The following KCNH1 variants were observed in gnomAD, a reference collection of about 807,000 sequenced individuals.
The protein encoded by KCNH1 is voltage-gated delayed rectifier potassium channel KCNH1.
In KCNH1, 27 loss-of-function variants were observed where a neutral mutation model predicts 69.2. That is an observed-to-expected ratio of 0.39 (90% CI 0.29 to 0.54). The LOEUF is 0.54. Among genes scored for constraint, KCNH1 ranks in the 20% least tolerant of loss-of-function variants. KCNH1 has a pLI of 0.68. For synonymous variants in KCNH1, 456 were observed against 487.7 expected, an observed-to-expected ratio of 0.93 and a Z score of 0.86; for missense variants, 798 against 1,261.6, an observed-to-expected ratio of 0.63 and a Z score of 5.57.
intron 9 of KCNH1, among the ~76,000 whole-genome samples, chr1:210,784,490 G>C (rs1447233040): frequency 1.3e-5 from 2 of 152,182 alleles, no homozygotes; most frequent in Non-Finnish European, 2.9e-5. Flanking sequence ...GGTCTTATCT[G>C]ATTGTGTTGG....
chr1:210,977,019 T>C lies in KCNH1; in HGVS notation c.1032+41764A>G, dbSNP rs565471031. ...GACACATGCACATGTATGTTTATTG[T>C]GGCACTATTCACAATAGCAAAGACT... On this transcript the variant is annotated intron_variant, in intron 6 of 10. Transcript: ENST00000271751. 1.1e-3 allele frequency among the ~76,000 whole-genome samples: 172 copies of C among 150,248 alleles called. 1 individual carries two copies. Among genetic ancestry groups the C allele is most frequent in the African/African-American group, 3.2e-3 (131 of 40,784 alleles).
chr1:210,985,808 C>G (rs1020577496), intron 6 of KCNH1, among the ~76,000 whole-genome samples: 4 of 152,028 alleles, frequency 2.6e-5, no homozygotes, highest in African/African-American at 4.8e-5. Flanking sequence ...TATGCTTGGT[C>G]CAGAGCTGAG....
At chr1:211,095,560 T>G (rs574059606) in intron 3 of KCNH1, among the ~76,000 whole-genome samples, 1 of 152,342 alleles carries the variant, frequency 6.6e-6, no homozygotes, top group South Asian at 2.1e-4. Flanking sequence ...AAGGCTCAGA[T>G]GTACGAGAGA....
chr1:210,799,923 G>A (rs1033032513), intron 8 of KCNH1, among the ~76,000 whole-genome samples: 1 of 152,216 alleles, frequency 6.6e-6, no homozygotes, highest in East Asian at 1.9e-4. Flanking sequence ...GTGGAAAGGG[G>A]TCAAAGAGTT....
intron 1 of KCNH1, among the ~76,000 whole-genome samples, chr1:211,115,596 A>G (rs537512194): frequency 2.6e-5 from 4 of 151,462 alleles, no homozygotes; most frequent in East Asian, 3.9e-4. Context: ...TCGGTCTCCA[A>G]GTTCTTCAGT....
At chr1:211,115,804 G>A (rs1204686595) in intron 1 of KCNH1, among the ~76,000 whole-genome samples, 1 of 150,484 alleles carries the variant, frequency 6.6e-6, no homozygotes, top group East Asian at 1.9e-4. Flanking sequence ...ACTACCCAAA[G>A]TGATCTACAG....
chr1:210,728,199 C>T (rs966552780), intron 10 of KCNH1, among the ~76,000 whole-genome samples: 3 of 152,226 alleles, frequency 2.0e-5, no homozygotes, highest in Non-Finnish European at 4.4e-5. Flanking sequence ...TCTGAAGACT[C>T]TTGGCCCCCT....
In KCNH1 at chr1:210,891,711, T is replaced by C. The variant is rs547110806; in HGVS notation, c.1462+27929A>G. On this transcript the variant is annotated intron_variant, in intron 7 of 10. Transcript: ENST00000271751. Reference sequence around the variant, plus strand: ...CCATTTGACCCAGCAATCCTATTACTGGGTATATACCCAAAGGATTATAAA... The same window carrying C: ...CCATTTGACCCAGCAATCCTATTACCGGGTATATACCCAAAGGATTATAAA... Among the ~76,000 whole-genome samples, 3 of 152,282 alleles carry C rather than the reference T, an allele frequency of 2.0e-5. No individual in the cohort carries two copies. In the East Asian group the frequency reaches 5.8e-4, roughly 29 times the overall value.
intron 7 of KCNH1, among the ~76,000 whole-genome samples, chr1:210,852,098 A>G (rs1685719135): frequency 1.3e-5 from 2 of 152,282 alleles, no homozygotes; most frequent in African/African-American, 2.4e-5. Flanking sequence ...TTAGAAAGAA[A>G]GCATGATGGA....
intron 10 of KCNH1, among the ~76,000 whole-genome samples, chr1:210,767,996 T>G (rs1203716972): frequency 6.6e-6 from 1 of 152,216 alleles, no homozygotes; most frequent in Non-Finnish European, 1.5e-5. Flanking sequence ...AGAGCCATTC[T>G]TCACCAAACC....
chr1:210,980,583 G>A (rs182295364), intron 6 of KCNH1, among the ~76,000 whole-genome samples: 3 of 152,286 alleles, frequency 2.0e-5, no homozygotes, highest in Non-Finnish European at 4.4e-5. Context: ...AAATGAACTG[G>A]TGGGTCAGCA....
intron 10 of KCNH1, among the ~76,000 whole-genome samples, chr1:210,764,994 G>A (rs1683595934): frequency 6.6e-6 from 1 of 152,022 alleles, no homozygotes; most frequent in Admixed American, 6.5e-5. Context: ...ATAAACTATG[G>A]TACATATACA....
intron 6 of KCNH1, among the ~76,000 whole-genome samples, chr1:210,977,106 AAGC>A (rs1393116423): frequency 1.3e-5 from 2 of 152,262 alleles, no homozygotes; most frequent in Admixed American, 1.3e-4. Context: ...ATGGAATACT[AAGC>A]AGCCATGAAA....
intron 10 of KCNH1, among the ~76,000 whole-genome samples, chr1:210,773,371 G>C (rs1683789516): frequency 6.6e-6 from 1 of 152,138 alleles, no homozygotes; most frequent in Admixed American, 6.5e-5. Flanking sequence ...CTTTCTCCTT[G>C]CCATCCTCAA....
intron 7 of KCNH1, chr1:210,862,199 C>T (rs1466082916): frequency 1.6e-6 from 2 of 1,239,108 alleles, no homozygotes; most frequent in Admixed American, 1.7e-5. Flanking sequence ...GATTTGTGTG[C>T]TTCATTGAGC....
chr1:210,966,585 A>C (rs1288113581), intron 6 of KCNH1, among the ~76,000 whole-genome samples: 1 of 152,236 alleles, frequency 6.6e-6, no homozygotes, highest in Non-Finnish European at 1.5e-5. Flanking sequence ...TCTCAAAAGA[A>C]GACATTTATG....
intron 7 of KCNH1, among the ~76,000 whole-genome samples, chr1:210,807,211 T>A (rs1684602918): frequency 6.6e-6 from 1 of 152,126 alleles, no homozygotes; most frequent in Non-Finnish European, 1.5e-5. Flanking sequence ...TACAGAATTC[T>A]TCTATCACCA....
At chr1:210,839,776 T>A (rs1383214903) in intron 7 of KCNH1, among the ~76,000 whole-genome samples, 1 of 152,228 alleles carries the variant, frequency 6.6e-6, no homozygotes, top group African/African-American at 2.4e-5. Context: ...ACAAGTATTC[T>A]GTGTATCTTT....
intron 5 of KCNH1, among the ~76,000 whole-genome samples, chr1:211,071,744 C>T (rs1426759884): frequency 6.6e-6 from 1 of 152,122 alleles, no homozygotes; most frequent in Non-Finnish European, 1.5e-5. Context: ...AGTTGGTCTG[C>T]ATGTTTTTCA....
Sources: allele counts gnomAD v4.1 joint callset (sites outside exome capture counted in the v4.1 genomes callset), GRCh38; gene constraint gnomAD v4.1.1; transcripts MANE v1.5; gene names NCBI Gene and HGNC (gene_info 2026-07-23, HGNC 2026-07-21).